RHOT1: variants seen among roughly 807,000 people sequenced by gnomAD.
RHOT1 encodes ras homolog family member T1, also known as mitochondrial Rho GTPase 1.
Under a neutral mutation model 95.3 loss-of-function variants are expected in RHOT1, and 27 were observed. The ratio of observed to expected loss-of-function variants is 0.28; its 90% CI spans 0.21 to 0.39. The LOEUF is 0.39. RHOT1 is among the 10% of genes least tolerant of loss of function. The probability of loss-of-function intolerance (pLI) is 1.00; values close to 1 mark genes in which losing one functional copy is unlikely to be tolerated. For missense variants in RHOT1, 578 were observed against 786.7 expected, an observed-to-expected ratio of 0.73 and a Z score of 3.17; for synonymous variants, 227 against 263.5, an observed-to-expected ratio of 0.86 and a Z score of 1.34.
chr17:32,189,017 T>C (rs6505288), intron 8 of RHOT1, among the ~76,000 whole-genome samples: 43,073 of 152,146 alleles, frequency 0.28, 8,076 homozygotes, highest in African/African-American at 0.54. Flanking sequence ...ACATAGATTC[T>C]GGCCGGGCAA....
At position 32,200,813 on chromosome 17, in the gene RHOT1, T is replaced by C. The variant is rs1288709770; in HGVS notation, c.1101-143T>C. The C allele has an allele frequency of 8.8e-6, 5 of 570,312 alleles. No homozygotes were observed. The East Asian group carries it at 1.6e-4, about 18-fold the overall frequency. The allele number at this position is 570,312 out of a possible 1,614,324, so 35.3% of individuals were successfully genotyped here. ...AAGAATGGCAGTGTAAGAAAAACTA[T>C]GGTTGGGCTCATAGGAAATTAAAGT... On this transcript the variant is annotated intron_variant, in intron 13 of 19. Coordinates refer to ENST00000545287, the MANE Select transcript of RHOT1 (RefSeq NM_001033566.3).
chr17:32,197,664 G>A (rs1017514705), intron 11 of RHOT1, among the ~76,000 whole-genome samples: 3 of 152,004 alleles, frequency 2.0e-5, no homozygotes, highest in Admixed American at 6.6e-5. Flanking sequence ...TCTTGACCTC[G>A]TGATCTGCCC....
Position 32,148,158 on chromosome 17 carries a change from G to A in RHOT1, c.37+5429G>A, listed in dbSNP as rs144738123. ...CAGGTGCCTGTAGTCCCAGTTACTC[G>A]GGAGGCCGAGCCAGAAGAATGGCAT... On this transcript the variant is annotated intron_variant, in intron 1 of 19. Coordinates refer to ENST00000545287, the MANE Select transcript of RHOT1 (RefSeq NM_001033566.3). Among the ~76,000 whole-genome samples the A allele has an allele frequency of 1.2e-3, 189 of 152,156 alleles. 5 individuals carry two copies. In the East Asian group the frequency reaches 0.034, roughly 27 times the overall value.
At chr17:32,147,106 A>G (rs1037320774) in intron 1 of RHOT1, among the ~76,000 whole-genome samples, 3 of 150,438 alleles carry the variant, frequency 2.0e-5, no homozygotes, top group East Asian at 4.0e-4. Flanking sequence ...GTGCAGTGGC[A>G]CAATCTCGGC....
chr17:32,203,269 C>CTTCTTCT lies in RHOT1; in HGVS notation c.1332+371_1332+372insCTTCTTT, dbSNP rs1485362280. 6.0e-3 allele frequency among the ~76,000 whole-genome samples: 432 copies of CTTCTTCT among 72,378 alleles called. 11 individuals carry two copies. The highest frequency in any genetic ancestry group is 0.025 in the African/African-American group (406 of 16,454). The allele number at this position is 72,378 out of a possible 152,430, so 47.5% of individuals were successfully genotyped here. A position where few individuals can be genotyped will look rare whatever the true frequency, so the allele number is the denominator to read the frequency against. On this transcript the variant is annotated intron_variant, in intron 15 of 19. Transcript: ENST00000545287. ...ACATATTTCTTTTCTTCTTCTTCTT[C>CTTCTTCT]TTTTTTTTTTTTTTTTTTTTTTTTG...
chr17:32,160,844 C>T (rs914170523), intron 1 of RHOT1, among the ~76,000 whole-genome samples: 5 of 152,174 alleles, frequency 3.3e-5, no homozygotes, highest in Admixed American at 3.3e-4. Flanking sequence ...GGGATCCAGG[C>T]TGGTCGTGTG....
chr17:32,154,925 G>A (rs960651984), intron 1 of RHOT1, among the ~76,000 whole-genome samples: 13 of 151,572 alleles, frequency 8.6e-5, no homozygotes, highest in African/African-American at 3.1e-4. Flanking sequence ...GAGTGATGGA[G>A]TGGTAATTAG....
At chr17:32,153,982 A>G (rs975448993) in intron 1 of RHOT1, among the ~76,000 whole-genome samples, 1 of 152,088 alleles carries the variant, frequency 6.6e-6, no homozygotes, top group African/African-American at 2.4e-5. Flanking sequence ...TCTGCTGTGT[A>G]TTATTCATAT....
At chr17:32,220,741 C>T (rs2038781106) in intron 19 of RHOT1, among the ~76,000 whole-genome samples, 1 of 145,648 alleles carries the variant, frequency 6.9e-6, no homozygotes, top group African/African-American at 2.6e-5. Context: ...GAGACTGAGG[C>T]ACAAGAGTGA....
intron 19 of RHOT1, among the ~76,000 whole-genome samples, chr17:32,211,694 A>G (rs574229070): frequency 3.3e-4 from 50 of 152,200 alleles, no homozygotes; most frequent in Non-Finnish European, 5.7e-4. Context: ...ACAATATTCT[A>G]TTCTTGAAAC....
At chr17:32,166,492 C>T (rs2034102167) in intron 1 of RHOT1, among the ~76,000 whole-genome samples, 1 of 152,200 alleles carries the variant, frequency 6.6e-6, no homozygotes, top group African/African-American at 2.4e-5. Context: ...AAAGATTTCT[C>T]TGTAGCATGT....
At chr17:32,146,959 G>T (rs2031446270) in intron 1 of RHOT1, among the ~76,000 whole-genome samples, 1 of 139,576 alleles carries the variant, frequency 7.2e-6, no homozygotes, top group Admixed American at 7.7e-5. Context: ...GGCCAGGCTG[G>T]TCTGGAACTG....
At chr17:32,173,580 G>T (rs2034748292) in intron 2 of RHOT1, among the ~76,000 whole-genome samples, 1 of 151,968 alleles carries the variant, frequency 6.6e-6, no homozygotes, top group African/African-American at 2.4e-5. Flanking sequence ...GGGCGCAGTG[G>T]TAGGCGCCTG....
chr17:32,184,148 T>C (rs185223067), intron 8 of RHOT1, among the ~76,000 whole-genome samples: 71 of 152,350 alleles, frequency 4.7e-4, no homozygotes, highest in African/African-American at 1.7e-3. Context: ...TTTAGTGTAT[T>C]CACAAAGTTA....
intron 8 of RHOT1, among the ~76,000 whole-genome samples, chr17:32,188,606 T>C (rs2036231876): frequency 6.6e-6 from 1 of 152,190 alleles, no homozygotes; most frequent in Non-Finnish European, 1.5e-5. Context: ...CAACACTAAC[T>C]TCAAACCCCA....
intron 1 of RHOT1, chr17:32,150,568 G>T (rs2032160385): frequency 6.4e-7 from 1 of 1,572,230 alleles, no homozygotes; most frequent in Non-Finnish European, 8.7e-7. Context: ...ACCAGCAAAG[G>T]TGCTGAGAGA....
chr17:32,147,546 G>A (rs1006888900), intron 1 of RHOT1, among the ~76,000 whole-genome samples: 10 of 151,948 alleles, frequency 6.6e-5, no homozygotes, highest in African/African-American at 2.2e-4. Flanking sequence ...TAAACTGGCC[G>A]GGCGCGGTGG....
intron 11 of RHOT1, among the ~76,000 whole-genome samples, chr17:32,197,315 G>A (rs892658487): frequency 6.0e-5 from 9 of 151,128 alleles, no homozygotes; most frequent in South Asian, 2.1e-4. Flanking sequence ...TGCAACCTCC[G>A]TCTCCTGGGT....
rs564774366 is a variant in RHOT1, at chr17:32,144,825, A to G, written c.37+2096A>G. On this transcript the variant is annotated intron_variant, in intron 1 of 19. Transcript: ENST00000545287. ...AACATAGTGAGACCCCGCCTCAAAA[A>G]AAAAAAACCACAACACTATTAGCTA... Among the ~76,000 whole-genome samples the G allele has an allele frequency of 8.6e-3, 1,306 of 151,884 alleles. 10 individuals carry two copies. The highest frequency in any genetic ancestry group is 9.8e-3 in the Non-Finnish European group (669 of 67,940).
Sources: gnomAD v4.1 joint callset for allele counts (sites outside exome capture counted in the v4.1 genomes callset) on GRCh38, gnomAD v4.1.1 for gene constraint, MANE v1.5 for transcripts, NCBI Gene and HGNC (gene_info 2026-07-23, HGNC 2026-07-21) for gene names.